TNRC6B: variants seen among roughly 807,000 people sequenced by gnomAD.
TNRC6B encodes trinucleotide repeat containing adaptor 6B.
In TNRC6B, 52 loss-of-function variants were observed where a neutral mutation model predicts 203.6. The observed-to-expected ratio is 0.26, with a 90% CI of 0.20 to 0.32. The LOEUF (loss-of-function observed/expected upper bound fraction) is 0.32, where lower values mean the gene tolerates loss of function less well. Among genes scored for constraint, TNRC6B ranks in the 10% least tolerant of loss-of-function variants. The pLI is 1.00. For synonymous variants in TNRC6B, 838 were observed against 845.7 expected (o/e 0.99, Z 0.16); for missense variants, 1,923 against 2,286.2 (o/e 0.84, Z 3.24).
chr22:40,214,192 AG>A (rs2146425576), intron 1 of TNRC6B, among the ~76,000 whole-genome samples: 1 of 152,176 alleles, frequency 6.6e-6, no homozygotes, highest in South Asian at 2.1e-4. Flanking sequence ...ACTTGAACCC[AG>A]GGGGCAGAGG....
At chr22:40,249,738 A>G (rs922582856) in intron 2 of TNRC6B, among the ~76,000 whole-genome samples, 2 of 152,256 alleles carry the variant, frequency 1.3e-5, no homozygotes, top group African/African-American at 4.8e-5. Flanking sequence ...GGGAATTGGT[A>G]TGTGGCTGCA....
At chr22:40,315,647 A>G in intron 20 of TNRC6B, 140 bp downstream of exon 20, 1 of 980,540 alleles carries the variant, frequency 1.0e-6, no homozygotes, top group South Asian at 1.8e-5. Flanking sequence ...AGGAAAAGGT[A>G]CCTCTTGAGT....
chr22:40,053,769 T>C (rs2067770421), intron 1 of TNRC6B, among the ~76,000 whole-genome samples: 1 of 152,258 alleles, frequency 6.6e-6, no homozygotes, highest in African/African-American at 2.4e-5. Context: ...TCTTAGTTTT[T>C]TCTTTTGCAA....
At chr22:40,320,967 G>T (rs1000469286) in intron 21 of TNRC6B, 123 bp from the exon 22 acceptor site, 2 of 1,089,576 alleles carry the variant, frequency 1.8e-6, no homozygotes, top group Middle Eastern at 2.1e-4. Context: ...GTTTTGAGCT[G>T]CATTTATGGA....
intron 1 of TNRC6B, among the ~76,000 whole-genome samples, chr22:40,053,758 G>A (rs2067770385): frequency 6.6e-6 from 1 of 152,224 alleles, no homozygotes; most frequent in Admixed American, 6.5e-5. Context: ...GCTTTGCAGA[G>A]TCTTAGTTTT....
At chr22:40,239,357 G>A (rs1362252420) in intron 1 of TNRC6B, among the ~76,000 whole-genome samples, 1 of 152,178 alleles carries the variant, frequency 6.6e-6, no homozygotes, top group Admixed American at 6.5e-5. Context: ...CCATGCCGCA[G>A]AAAGTCACTT....
intron 7 of TNRC6B, 64 bp downstream of exon 7, chr22:40,273,664 T>TTTTG: frequency 2.1e-6 from 3 of 1,452,266 alleles, no homozygotes; most frequent in Non-Finnish European, 2.7e-6. Flanking sequence ...TGAGGTTTTG[T>TTTTG]TTTGTTTGTT....
chr22:40,310,840 A>G lies in TNRC6B; in HGVS notation c.4282A>G (p.Thr1428Ala), dbSNP rs762141200. ...KNGAIVAPGK[T>A]RGGSPYNQFD... ...AGGCGCTATAGTGGCCCCTGGTAAAACCCGGGGAGGGTCACCGTACAACCA... is the reference window on the plus strand; with the variant it reads ...AGGCGCTATAGTGGCCCCTGGTAAAGCCCGGGGAGGGTCACCGTACAACCA... Residue 1428 changes from threonine to alanine, a missense_variant, in exon 17 of 23, where the codon ACC becomes GCC. Coordinates refer to ENST00000454349, the MANE Select transcript of TNRC6B (RefSeq NM_001162501.2). 3 of 1,612,724 alleles carry G rather than the reference A, an allele frequency of 1.9e-6. No homozygotes were observed. Among genetic ancestry groups the G allele is most frequent in the Non-Finnish European group, 1.7e-6 (2 of 1,179,408 alleles).
intron 22 of TNRC6B, chr22:40,321,435 G>A (rs1158590300): frequency 5.6e-6 from 3 of 531,978 alleles, no homozygotes; most frequent in Non-Finnish European, 9.9e-6. Flanking sequence ...TATATCAGAG[G>A]CCAGTCGTCA....
chr22:40,203,146 G>A (rs2069436027), intron 1 of TNRC6B, among the ~76,000 whole-genome samples: 1 of 152,138 alleles, frequency 6.6e-6, no homozygotes, highest in African/African-American at 2.4e-5. Context: ...GTGATCACAT[G>A]TTGGTGAGCA....
intron 1 of TNRC6B, among the ~76,000 whole-genome samples, chr22:40,182,237 T>C (rs1460556924): frequency 6.6e-6 from 1 of 150,688 alleles, no homozygotes; most frequent in Non-Finnish European, 1.5e-5. Context: ...ACAGGGAGAC[T>C]CCGTCTCAAA....
At position 40,143,561 on chromosome 22, in the gene TNRC6B, C is replaced by T. The variant is rs1403021719; in HGVS notation, c.46-12554C>T. Among the ~76,000 whole-genome samples the T allele has an allele frequency of 2.6e-5, 4 of 152,160 alleles. No homozygotes were observed. The East Asian group carries it at 7.7e-4, about 29-fold the overall frequency. On this transcript the variant is annotated intron_variant, in intron 3 of 23. Coordinates refer to the TNRC6B transcript ENST00000301923. ...CTGAAGTGCAGTGGCCCAATCTCGG[C>T]TCACTGCGAGCTCCACCTCCCGGGT...
At chr22:40,259,053 C>T (rs563465551) in intron 3 of TNRC6B, among the ~76,000 whole-genome samples, 6 of 152,248 alleles carry the variant, frequency 3.9e-5, no homozygotes, top group African/African-American at 1.4e-4. Flanking sequence ...CCAGTCTCTG[C>T]CAACTTCTTG....
rs763316922 is a variant in TNRC6B, at chr22:40,311,699, G to A, written c.4435+706G>A. On this transcript the variant is annotated intron_variant, in intron 17 of 22. Transcript: ENST00000454349. ...TGGGATTACAGGCGCCTGCTACCAC[G>A]CCTGGCTAATTTTTTGTATGTTTAG... Among the ~76,000 whole-genome samples, 9 of 152,150 alleles carry A rather than the reference G, an allele frequency of 5.9e-5. No individual in the cohort carries two copies. In the South Asian group the frequency reaches 1.0e-3, roughly 18 times the overall value.
At chr22:40,238,808 T>C (rs994219485) in intron 1 of TNRC6B, among the ~76,000 whole-genome samples, 4 of 152,250 alleles carry the variant, frequency 2.6e-5, no homozygotes, top group Non-Finnish European at 4.4e-5. Flanking sequence ...CATCTTGTTG[T>C]ATATCTTGTT....
intron 15 of TNRC6B, among the ~76,000 whole-genome samples, chr22:40,305,463 G>A (rs2071076881): frequency 1.3e-5 from 2 of 152,204 alleles, no homozygotes; most frequent in Admixed American, 6.5e-5. Context: ...GTAAATAGCC[G>A]AAGGTCACTA....
chr22:40,124,637 G>A (rs1220473018), intron 2 of TNRC6B, among the ~76,000 whole-genome samples: 1 of 151,960 alleles, frequency 6.6e-6, no homozygotes, highest in Non-Finnish European at 1.5e-5. Flanking sequence ...TTTATGTTTT[G>A]TAGCTATGAG....
At chr22:40,165,121 T>C (rs1381985981) in intron 4 of TNRC6B, among the ~76,000 whole-genome samples, 2 of 107,748 alleles carry the variant, frequency 1.9e-5, no homozygotes, top group Admixed American at 2.3e-4. Flanking sequence ...TGAGACAGGG[T>C]CTTACTTTGT....
rs149310189 is a variant in TNRC6B at position 40,308,895 on chromosome 22, C to T, written c.4258+246C>T. On this transcript the variant is annotated intron_variant, in intron 16 of 22. Transcript: ENST00000454349. Reference sequence around the variant, plus strand: ...GGGTGGTAGCAGTGAACTTGGGCACCCACCAAGGTGAAACCCTAATAAGTT... The same window carrying T: ...GGGTGGTAGCAGTGAACTTGGGCACTCACCAAGGTGAAACCCTAATAAGTT... Among the ~76,000 whole-genome samples, 227 of 152,336 alleles carry T rather than the reference C, an allele frequency of 1.5e-3. 1 individual carries two copies. The highest frequency in any genetic ancestry group is 5.2e-3 in the African/African-American group (216 of 41,576).
Sources: allele counts gnomAD v4.1 joint callset (sites outside exome capture counted in the v4.1 genomes callset), GRCh38; gene constraint gnomAD v4.1.1; transcripts MANE v1.5; gene names NCBI Gene and HGNC (gene_info 2026-07-23, HGNC 2026-07-21).